The following CADPS2 variants were observed in gnomAD, a reference collection of about 807,000 sequenced individuals.
CADPS2 encodes calcium-dependent secretion activator 2.
Under a neutral mutation model 172.5 loss-of-function variants are expected in CADPS2, and 93 were observed. The ratio of observed to expected loss-of-function variants is 0.54; its 90% CI spans 0.46 to 0.64. The LOEUF (loss-of-function observed/expected upper bound fraction) is 0.64. Among genes scored for constraint, CADPS2 ranks in the 30% least tolerant of loss-of-function variants. The pLI is 0.00. For missense variants in CADPS2, 1,420 were observed against 1,565.9 expected, an observed-to-expected ratio of 0.91 and a Z score of 1.57; for synonymous variants, 546 against 555.2, an observed-to-expected ratio of 0.98 and a Z score of 0.23.
At chr7:122,730,836 T>TAC (rs2091567384) in intron 2 of CADPS2, among the ~76,000 whole-genome samples, 1 of 151,726 alleles carries the variant, frequency 6.6e-6, no homozygotes, top group African/African-American at 2.4e-5. Context: ...AAACATATAC[T>TAC]ACTTCTATTA....
intron 1 of CADPS2, among the ~76,000 whole-genome samples, chr7:122,837,937 G>T (rs1180477225): frequency 6.6e-6 from 1 of 152,162 alleles, no homozygotes; most frequent in Non-Finnish European, 1.5e-5. Context: ...TATGAGGCCA[G>T]CATCATCCTG....
At chr7:122,615,334 G>T in intron 5 of CADPS2, 35 bp from the exon 6 acceptor site, 1 of 1,341,276 alleles carries the variant, frequency 7.5e-7, no homozygotes, top group Non-Finnish European at 1.0e-6. Flanking sequence ...AATGCATCAA[G>T]TTGATAACAT....
chr7:122,776,813 A>G (rs887831102), intron 1 of CADPS2, among the ~76,000 whole-genome samples: 1 of 152,178 alleles, frequency 6.6e-6, no homozygotes, highest in Non-Finnish European at 1.5e-5. Flanking sequence ...CACTCTTGCT[A>G]TACAAAGAGA....
At chr7:122,426,230 T>C (rs1192748780) in intron 17 of CADPS2, 2 of 152,234 alleles carry the variant, frequency 1.3e-5, no homozygotes, top group Non-Finnish European at 2.9e-5. Flanking sequence ...TTGTTTCCTT[T>C]GATACATAAT....
intron 1 of CADPS2, among the ~76,000 whole-genome samples, chr7:122,763,914 T>C (rs972416089): frequency 3.9e-5 from 6 of 152,188 alleles, no homozygotes; most frequent in Non-Finnish European, 8.8e-5. Flanking sequence ...GGATTTATTG[T>C]AGCCAAATAA....
chr7:122,713,803 T>C (rs2192020), intron 2 of CADPS2, among the ~76,000 whole-genome samples: 11,367 of 152,090 alleles, frequency 0.075, 567 homozygotes, highest in Non-Finnish European at 0.1. Context: ...AAAACAGTGA[T>C]AGAACTTACT....
intron 2 of CADPS2, among the ~76,000 whole-genome samples, chr7:122,685,913 A>G (rs986202690): frequency 1.3e-5 from 2 of 152,310 alleles, no homozygotes; most frequent in African/African-American, 2.4e-5. Context: ...TGGAGGGCCT[A>G]CATACACTCC....
At chr7:122,339,957 A>G (rs1046432162) in intron 28 of CADPS2, among the ~76,000 whole-genome samples, 19 of 152,212 alleles carry the variant, frequency 1.2e-4, no homozygotes, top group Non-Finnish European at 1.0e-4. Flanking sequence ...AGAGCATGTA[A>G]GTGCAAAATC....
chr7:122,741,257 T>C (rs900487368), intron 1 of CADPS2, among the ~76,000 whole-genome samples: 8 of 152,076 alleles, frequency 5.3e-5, no homozygotes, highest in Admixed American at 2.0e-4. Context: ...ACCACTCACA[T>C]AGAAAATGGA....
intron 8 of CADPS2, among the ~76,000 whole-genome samples, chr7:122,546,919 TG>T (rs1225760405): frequency 6.6e-6 from 1 of 151,622 alleles, no homozygotes; most frequent in Non-Finnish European, 1.5e-5. Context: ...TATCTAAATG[TG>T]AAAAAAAAGT....
chr7:122,675,274 C>A (rs1241513640), intron 2 of CADPS2, among the ~76,000 whole-genome samples: 3 of 152,122 alleles, frequency 2.0e-5, no homozygotes, highest in Admixed American at 2.0e-4. Flanking sequence ...GAGCCCGGGG[C>A]TCCATTCTGA....
rs1388216241 is a variant in CADPS2 at position 122,820,622 on chromosome 7, C to T, written c.339+65377G>A. Among the ~76,000 whole-genome samples the T allele has an allele frequency of 3.3e-5, 4 of 121,010 alleles. 1 individual carries two copies. Among genetic ancestry groups the T allele is most frequent in the African/African-American group, 1.0e-4 (3 of 30,070 alleles). The allele number at this position is 121,010 out of a possible 152,430, so 79.4% of individuals were successfully genotyped here. A position where few individuals can be genotyped will look rare whatever the true frequency, so the allele number is the denominator to read the frequency against. Reference sequence around the variant, plus strand: ...TCGCCCAGGCTGGAGTGCAGTGGCGCGATCTCGGCTCACTGCAAGCTCCGC... The same window carrying T: ...TCGCCCAGGCTGGAGTGCAGTGGCGTGATCTCGGCTCACTGCAAGCTCCGC... On this transcript the variant is annotated intron_variant, in intron 1 of 29. Coordinates refer to ENST00000449022, the MANE Select transcript of CADPS2 (RefSeq NM_017954.11).
chr7:122,583,617 T>G (rs1205534593), intron 6 of CADPS2, among the ~76,000 whole-genome samples: 1 of 150,920 alleles, frequency 6.6e-6, no homozygotes, highest in African/African-American at 2.4e-5. Context: ...GCATATGATA[T>G]ATACATAATA....
intron 3 of CADPS2, among the ~76,000 whole-genome samples, chr7:122,642,566 A>C (rs12538945): frequency 0.1 from 13,815 of 137,584 alleles, 894 homozygotes; most frequent in East Asian, 0.24. Context: ...TTTTTTTTTT[A>C]CAACTTATTA....
chr7:122,539,560 G>T (rs1468766572), intron 8 of CADPS2, among the ~76,000 whole-genome samples: 1 of 151,934 alleles, frequency 6.6e-6, no homozygotes, highest in African/African-American at 2.4e-5. Flanking sequence ...CATTAAAAGA[G>T]AAATAACAGT....
chr7:122,650,527 A>G (rs1295164408), intron 3 of CADPS2, among the ~76,000 whole-genome samples: 1 of 152,194 alleles, frequency 6.6e-6, no homozygotes, highest in Non-Finnish European at 1.5e-5. Flanking sequence ...TAGATAAAGT[A>G]GAAAAATCTA....
chr7:122,621,889 A>G (rs2075642352), intron 4 of CADPS2, among the ~76,000 whole-genome samples, 172 bp from the exon 5 acceptor site: 1 of 152,154 alleles, frequency 6.6e-6, no homozygotes, highest in African/African-American at 2.4e-5. Context: ...ATTTTTGATT[A>G]TATCTATGGT....
intron 20 of CADPS2, among the ~76,000 whole-genome samples, chr7:122,394,865 G>A (rs2044855045): frequency 6.6e-6 from 1 of 152,104 alleles, no homozygotes. Flanking sequence ...AGCCAGGAGT[G>A]AAAACAGAGA....
At chr7:122,874,657 C>T (rs1820734718) in intron 1 of CADPS2, among the ~76,000 whole-genome samples, 1 of 152,168 alleles carries the variant, frequency 6.6e-6, no homozygotes, top group Admixed American at 6.5e-5. Context: ...GCAACCAAAA[C>T]AGCATGGTAC....
Sources: gnomAD v4.1 joint callset for allele counts (sites outside exome capture counted in the v4.1 genomes callset) on GRCh38, gnomAD v4.1.1 for gene constraint, MANE v1.5 for transcripts, NCBI Gene and HGNC (gene_info 2026-07-23, HGNC 2026-07-21) for gene names.